PPP2R5C: variants seen among roughly 807,000 people sequenced by gnomAD.
PPP2R5C encodes the protein serine/threonine-protein phosphatase 2A 56 kDa regulatory subunit gamma isoform.
PPP2R5C carries 7 observed loss-of-function variants against 68.9 expected under a neutral mutation model. The observed-to-expected ratio is 0.10, with a 90% CI of 0.06 to 0.19. The LOEUF (loss-of-function observed/expected upper bound fraction) is 0.19, where lower values mean the gene tolerates loss of function less well. Among genes scored for constraint, PPP2R5C ranks in the 10% least tolerant of loss-of-function variants. The pLI, the probability that PPP2R5C is intolerant of heterozygous loss-of-function variation, is 1.00. For synonymous variants in PPP2R5C, 210 were observed against 222.2 expected (o/e 0.95, Z 0.49); for missense variants, 348 against 641.3 (o/e 0.54, Z 4.94).
chr14:101,807,120 T>G (rs531879046), upstream of PPP2R5C, among the ~76,000 whole-genome samples: 98 of 152,210 alleles, frequency 6.4e-4, no homozygotes, highest in Non-Finnish European at 1.2e-3. Context: ...TGGTTTTGAT[T>G]GATTTTTATT....
chr14:101,881,303 G>A (rs527406860), intron 2 of PPP2R5C, among the ~76,000 whole-genome samples: 2 of 152,214 alleles, frequency 1.3e-5, no homozygotes, highest in South Asian at 4.1e-4. Context: ...GGGAGGCTGA[G>A]GCACAAGAAT....
At chr14:101,809,401 AAAAC>A (rs1418166663), upstream of PPP2R5C, among the ~76,000 whole-genome samples, 1 of 150,966 alleles carries the variant, frequency 6.6e-6, no homozygotes, top group East Asian at 1.9e-4. Context: ...TTAAAAAAAA[AAAAC>A]AAAAAAAAAA....
chr14:101,907,776 T>C (rs771906191), intron 10 of PPP2R5C, among the ~76,000 whole-genome samples: 11 of 152,200 alleles, frequency 7.2e-5, no homozygotes, highest in Non-Finnish European at 1.2e-4. Flanking sequence ...ACAGTCACCC[T>C]GCTGCCGGCG....
chr14:101,762,443 A>T lies in PPP2R5C; in HGVS notation c.28-462A>T, dbSNP rs901259532. 2.0e-5 allele frequency among the ~76,000 whole-genome samples: 3 copies of T among 151,758 alleles called. No homozygotes were observed. The East Asian group carries it at 5.9e-4, about 30-fold the overall frequency. On this transcript the variant is annotated intron_variant, in intron 1 of 14. Transcript: ENST00000328724. The stretch of plus-strand genomic sequence containing the variant: ...CGGAGGGACGCTCTGGGGCTCTCGA[A>T]CACTATTATTATCCTGGGTGGCGGC...
intron 13 of PPP2R5C, among the ~76,000 whole-genome samples, chr14:101,918,223 C>G (rs908905503): frequency 2.0e-4 from 25 of 122,200 alleles, no homozygotes; most frequent in African/African-American, 9.1e-4. Context: ...AATGTTCACT[C>G]CAGCAAAATC....
At chr14:101,805,884 T>C (rs1416257648), upstream of PPP2R5C, among the ~76,000 whole-genome samples, 1 of 152,136 alleles carries the variant, frequency 6.6e-6, no homozygotes, top group Non-Finnish European at 1.5e-5. Flanking sequence ...AGAGTGATGG[T>C]TGCCAGCACT....
Position 101,880,683 on chromosome 14 carries a change from G to A in PPP2R5C, c.295-1478G>A, listed in dbSNP as rs552384983. ...ATGGTGGTGCGTGCTGGTAGTCCCAGCTACTTGGGAGGCTGGGGCAGGAGG... is the reference window on the plus strand; with the variant it reads ...ATGGTGGTGCGTGCTGGTAGTCCCAACTACTTGGGAGGCTGGGGCAGGAGG... On this transcript the variant is annotated intron_variant, in intron 2 of 13. Transcript: ENST00000334743. 7.2e-5 allele frequency among the ~76,000 whole-genome samples: 11 copies of A among 152,280 alleles called. No homozygotes were observed. The East Asian group carries it at 2.1e-3, about 29-fold the overall frequency.
intron 2 of PPP2R5C, among the ~76,000 whole-genome samples, chr14:101,875,689 A>C (rs1249922507): frequency 6.6e-6 from 1 of 152,216 alleles, no homozygotes; most frequent in East Asian, 1.9e-4. Context: ...AAGGGGTAGT[A>C]TCTCCCTTTA....
In PPP2R5C at chr14:101,864,684, C is replaced by G. The variant is rs1160532497; in HGVS notation, c.294+7799C>G. On this transcript the variant is annotated intron_variant, in intron 2 of 13. Transcript: ENST00000334743. ...GAGGAGGGAAGGGGAGGGGAGTGTT[C>G]CCAGCAGAAGGAACAGCTCCTCTAA... Among the ~76,000 whole-genome samples, 4 of 152,174 alleles carry G rather than the reference C, an allele frequency of 2.6e-5. No individual in the cohort carries two copies. The East Asian group carries it at 5.8e-4, about 22-fold the overall frequency.
chr14:101,874,178 G>T (rs1298759670), intron 2 of PPP2R5C, among the ~76,000 whole-genome samples: 1 of 152,176 alleles, frequency 6.6e-6, no homozygotes, highest in East Asian at 1.9e-4. Flanking sequence ...TACATGACTG[G>T]GAAGTGATAA....
rs1482566878 is a variant in PPP2R5C at position 101,917,502 on chromosome 14, AG to A, written c.1327-326del. On this transcript the variant is annotated intron_variant, in intron 12 of 13. Transcript: ENST00000334743. This position sits in a 1 kb window ranked among gnomAD's most constrained non-coding sequence, Gnocchi z 4.4. ...TGAGACAGCTCCCACCACCGAGCCC[AG>A]GGTGCGACCTCGCACTTGGCTGCTC... is the stretch of plus-strand genomic sequence containing the variant. 6.6e-6 allele frequency among the ~76,000 whole-genome samples: 1 copy of A among 152,160 alleles called. No individual in the cohort carries two copies. The highest frequency in any genetic ancestry group is 1.5e-5 in the Non-Finnish European group (1 of 68,010).
intron 5 of PPP2R5C, among the ~76,000 whole-genome samples, chr14:101,884,308 G>A (rs1047797014): frequency 6.6e-6 from 1 of 152,156 alleles, no homozygotes; most frequent in African/African-American, 2.4e-5. Context: ...GCGTCTCCCA[G>A]TCCACTGACT....
At chr14:101,871,550 GC>G (rs1944330722) in intron 2 of PPP2R5C, among the ~76,000 whole-genome samples, 1 of 152,080 alleles carries the variant, frequency 6.6e-6, no homozygotes, top group Admixed American at 6.6e-5. Context: ...GCTGAGTCTT[GC>G]TTTTTTATTC....
chr14:101,763,066 G>A, intron 2 of PPP2R5C, 96 bp downstream of exon 2: 1 of 1,078,838 alleles, frequency 9.3e-7, no homozygotes, highest in Non-Finnish European at 1.3e-6. Context: ...CTTCTAAAAT[G>A]TTTCCCTATG....
chr14:101,844,962 T>G (rs1458604853), intron 1 of PPP2R5C, among the ~76,000 whole-genome samples: 1 of 152,220 alleles, frequency 6.6e-6, no homozygotes, highest in East Asian at 1.9e-4. Flanking sequence ...GATAACGGGC[T>G]GCACGAAGGG....
intron 1 of PPP2R5C, among the ~76,000 whole-genome samples, chr14:101,851,502 G>T (rs1249548213): frequency 6.6e-6 from 1 of 152,180 alleles, no homozygotes; most frequent in Non-Finnish European, 1.5e-5. Context: ...TGGTCTCTGT[G>T]TTTGAAACTT....
chr14:101,894,369 C>T, intron 7 of PPP2R5C, 138 bp from the exon 10 acceptor site: 1 of 633,420 alleles, frequency 1.6e-6, no homozygotes, highest in Non-Finnish European at 2.8e-6. Flanking sequence ...ATGTTAATGC[C>T]CGTTAATCAC....
At chr14:101,878,657 G>A (rs932678220) in intron 2 of PPP2R5C, among the ~76,000 whole-genome samples, 7 of 152,206 alleles carry the variant, frequency 4.6e-5, no homozygotes, top group Non-Finnish European at 8.8e-5. Context: ...CAGCGGGCAC[G>A]AGACTTGGCC....
At chr14:101,844,590 G>A (rs939044196) in intron 1 of PPP2R5C, among the ~76,000 whole-genome samples, 2 of 152,162 alleles carry the variant, frequency 1.3e-5, no homozygotes, top group East Asian at 3.9e-4. Flanking sequence ...GCAAGAGTTC[G>A]TGTCTAGAAG....
Sources: gnomAD v4.1 joint callset for allele counts (sites outside exome capture counted in the v4.1 genomes callset) on GRCh38, gnomAD v4.1.1 for gene constraint, Gnocchi (gnomAD v3.1) non-coding constraint, MANE v1.5 for transcripts, NCBI Gene and HGNC (gene_info 2026-07-23, HGNC 2026-07-21) for gene names.